Variants in LMO7 observed in about 807,000 individuals in gnomAD.
The protein encoded by LMO7 is LIM domain only protein 7.
In LMO7, 120 loss-of-function variants were observed where a neutral mutation model predicts 206.5. That is an observed-to-expected ratio of 0.58 (90% confidence interval 0.50 to 0.68). The LOEUF (loss-of-function observed/expected upper bound fraction) is 0.68. Ranked by LOEUF, LMO7 falls within the 30% of genes least tolerant of loss-of-function variation. The pLI is 0.00. For synonymous variants in LMO7, 706 were observed against 681.5 expected (o/e 1.04, Z -0.56); for missense variants, 1,959 against 1,957.9 (o/e 1.00, Z -0.01).
At chr13:75,692,042 C>T (rs759628371) in intron 1 of LMO7, among the ~76,000 whole-genome samples, 1 of 152,172 alleles carries the variant, frequency 6.6e-6, no homozygotes, top group Non-Finnish European at 1.5e-5. Context: ...AATATCTTAC[C>T]TTGCAGCTTC....
intron 2 of LMO7, among the ~76,000 whole-genome samples, chr13:75,726,032 AATT>A (rs1447566281): frequency 6.6e-5 from 10 of 151,614 alleles, no homozygotes; most frequent in African/African-American, 2.4e-4. Context: ...GAGACCAGTA[AATT>A]AAGAATGTTT....
chr13:75,780,607 A>AGGC (rs1371165282), intron 4 of LMO7, among the ~76,000 whole-genome samples: 11 of 152,196 alleles, frequency 7.2e-5, no homozygotes, highest in Admixed American at 7.2e-4. Flanking sequence ...CAGGATCAAG[A>AGGC]GGCGACATAC....
chr13:75,839,624 C>G (rs1475885966), intron 20 of LMO7: 2 of 153,216 alleles, frequency 1.3e-5, no homozygotes, highest in Non-Finnish European at 2.9e-5. Flanking sequence ...ACGAAAGTGG[C>G]TCATTAGTAA....
intron 1 of LMO7, among the ~76,000 whole-genome samples, chr13:75,675,521 A>T (rs1594208377): frequency 6.6e-6 from 1 of 152,328 alleles, no homozygotes; most frequent in East Asian, 1.9e-4. Flanking sequence ...TTTTTGATGC[A>T]CATTTTTTTC....
rs371591086 is a variant in LMO7, at chr13:75,701,075, A to C, written c.70-12107A>C. The stretch of plus-strand genomic sequence containing the variant: ...TTGGCTGTTATGAACATTCATATAC[A>C]AGTTTTTGTGTGGAGGTATGCTTTC... On this transcript the variant is annotated intron_variant, in intron 1 of 30. Transcript: ENST00000377534. Among the ~76,000 whole-genome samples the C allele has an allele frequency of 7.2e-5, 11 of 152,136 alleles. No homozygotes were observed. The East Asian group carries it at 2.1e-3, about 29-fold the overall frequency.
chr13:75,776,150 G>GTATATATATCGGATATATATATATATATA (rs2050368953), intron 4 of LMO7, among the ~76,000 whole-genome samples: 11 of 45,632 alleles, frequency 2.4e-4, no homozygotes, highest in African/African-American at 7.0e-4. Flanking sequence ...TATATGCCAT[G>GTATATATATCGGATATATATATATATATA]TATATATATC....
intron 1 of LMO7, among the ~76,000 whole-genome samples, chr13:75,700,685 A>G (rs927106400): frequency 6.6e-6 from 1 of 152,210 alleles, no homozygotes; most frequent in Non-Finnish European, 1.5e-5. Context: ...ACTGTGGTCA[A>G]CAGCCGATCT....
intron 2 of LMO7, among the ~76,000 whole-genome samples, chr13:75,718,232 C>A (rs2138286463): frequency 6.6e-6 from 1 of 152,254 alleles, no homozygotes; most frequent in African/African-American, 2.4e-5. Flanking sequence ...GCTTGGCAAA[C>A]ATGAACTTAA....
Position 75,736,697 on chromosome 13 carries a change from G to T in LMO7, c.210+9599G>T, listed in dbSNP as rs115634969. Reference sequence around the variant, plus strand: ...AATAAATGTGCCACAGAGCATTACAGTGGACTGTGACATTTGCTGCATGTC... The same window carrying T: ...AATAAATGTGCCACAGAGCATTACATTGGACTGTGACATTTGCTGCATGTC... On this transcript the variant is annotated intron_variant, in intron 3 of 30. Coordinates refer to ENST00000377534, the MANE Select transcript of LMO7 (RefSeq NM_001306080.2). 5.7e-3 allele frequency among the ~76,000 whole-genome samples: 865 copies of T among 152,328 alleles called. 4 individuals carry two copies. The highest frequency in any genetic ancestry group is 0.018 in the African/African-American group (765 of 41,572).
At chr13:75,717,700 C>G (rs1304513206) in intron 2 of LMO7, among the ~76,000 whole-genome samples, 1 of 151,862 alleles carries the variant, frequency 6.6e-6, no homozygotes, top group Non-Finnish European at 1.5e-5. Context: ...CAAGAGAGCT[C>G]TATCTTTTTG....
intron 10 of LMO7, 82 bp from the exon 11 acceptor site, chr13:75,809,072 T>C: frequency 9.9e-7 from 1 of 1,012,720 alleles, no homozygotes. Flanking sequence ...AGTTAGATTC[T>C]TAAGTGGAAG....
At chr13:75,792,021 G>T (rs1201892782) in intron 4 of LMO7, among the ~76,000 whole-genome samples, 1 of 152,006 alleles carries the variant, frequency 6.6e-6, no homozygotes, top group Non-Finnish European at 1.5e-5. Flanking sequence ...AGCCTGGAGT[G>T]CAGTGGTGTG....
chr13:75,842,913 A>G lies in LMO7; in HGVS notation c.4094A>G (p.Asp1365Gly). 1 of 1,583,362 alleles carries G rather than the reference A, an allele frequency of 6.3e-7. No individual in the cohort carries two copies. ...EEASSGFLPG[D>G]RNKSRSTTEL... is the part of the protein sequence containing the mutation. Reference sequence around the variant, plus strand: ...GCATCTTCAGGTTTTCTTCCTGGTGACAGGTATGTAGAGCATGTTATTGTA... The same window carrying G: ...GCATCTTCAGGTTTTCTTCCTGGTGGCAGGTATGTAGAGCATGTTATTGTA... Residue 1365 changes from aspartate to glycine, a missense_variant, in exon 25 of 31, where the codon GAC becomes GGC. Asp to Gly is a moderately conservative substitution (Grantham distance 94). Transcript: ENST00000377534.
intron 4 of LMO7, among the ~76,000 whole-genome samples, chr13:75,764,110 A>C (rs2048545513): frequency 6.6e-6 from 1 of 152,132 alleles, no homozygotes; most frequent in South Asian, 2.1e-4. Context: ...TAGGGACTAC[A>C]TGTATTCAAG....
chr13:75,642,414 A>C (rs1006408), intron 1 of LMO7, among the ~76,000 whole-genome samples: 10 of 142,796 alleles, frequency 7.0e-5, no homozygotes, highest in Non-Finnish European at 1.4e-4. Flanking sequence ...AGACCAGCCT[A>C]GTCAACATAG....
intron 4 of LMO7, among the ~76,000 whole-genome samples, chr13:75,779,066 T>G (rs1268035440): frequency 3.3e-5 from 5 of 152,128 alleles, no homozygotes; most frequent in African/African-American, 1.2e-4. Flanking sequence ...AAGGGAGTTG[T>G]TTGGCTTAGG....
intron 1 of LMO7, among the ~76,000 whole-genome samples, chr13:75,650,871 T>C (rs867149546): frequency 6.6e-6 from 1 of 152,238 alleles, no homozygotes; most frequent in Non-Finnish European, 1.5e-5. Context: ...CTGCTGTATT[T>C]AGTTTGGAGG....
At chr13:75,705,036 CA>C (rs2042553259) in intron 1 of LMO7, among the ~76,000 whole-genome samples, 2 of 152,214 alleles carry the variant, frequency 1.3e-5, no homozygotes, top group Non-Finnish European at 2.9e-5. Context: ...TCGGAGGCCA[CA>C]GGTGGTAAGA....
chr13:75,807,768 G>A lies in LMO7; in HGVS notation c.1485G>A (p.Glu495=), dbSNP rs964964602. The A allele has an allele frequency of 1.9e-6, 3 of 1,613,978 alleles. No individual in the cohort carries two copies. The highest frequency in any genetic ancestry group is 1.3e-5 in the African/African-American group (1 of 75,034). Residue 495 remains glutamate (E), a synonymous_variant, in exon 10 of 31, where the codon GAG becomes GAA. Transcript: ENST00000377534. ...TCTCTGAGCAAGATGATTCTGTAGAGCGAGATATAATTTTACAGTGTAGAG... is the reference window on the plus strand; with the variant it reads ...TCTCTGAGCAAGATGATTCTGTAGAACGAGATATAATTTTACAGTGTAGAG... The part of the protein sequence containing the change: ...RKFSEQDDSV[E]RDIILQCREG...
Sources: allele counts gnomAD v4.1 joint callset (sites outside exome capture counted in the v4.1 genomes callset), GRCh38; gene constraint gnomAD v4.1.1; transcripts MANE v1.5; gene names NCBI Gene and HGNC (gene_info 2026-07-23, HGNC 2026-07-21).